SKIC8: variants seen among roughly 807,000 people sequenced by gnomAD.
The protein encoded by SKIC8 is superkiller complex protein 8.
the SKIC8 span, among the ~76,000 whole-genome samples, chr15:78,288,134 TG>T: frequency 6.6e-6 from 1 of 152,120 alleles, no homozygotes; most frequent in Non-Finnish European, 1.5e-5. Context: ...ACACTAAAAA[TG>T]GGCGCTGAAC....
chr15:78,292,834 T>G, the SKIC8 span: 1 of 1,602,134 alleles, frequency 6.2e-7, no homozygotes, highest in African/African-American at 1.3e-5. Flanking sequence ...AAGAACACAC[T>G]TTACCTGGCA....
chr15:78,299,098 A>G, the SKIC8 span, among the ~76,000 whole-genome samples: 1 of 152,122 alleles, frequency 6.6e-6, no homozygotes, highest in African/African-American at 2.4e-5. Flanking sequence ...CTATGAAACT[A>G]CTCAGGCAAG....
At chr15:78,286,615 TA>T in the SKIC8 span, 1 of 153,688 alleles carries the variant, frequency 6.5e-6, no homozygotes, top group South Asian at 2.0e-4. Context: ...GAGACCAGTT[TA>T]AACCTAATCA....
the SKIC8 span, chr15:78,290,170 T>C: frequency 2.7e-6 from 4 of 1,468,886 alleles, no homozygotes; most frequent in African/African-American, 1.4e-5. Flanking sequence ...ACTAAAGTTT[T>C]ACCAAAGGAT....
chr15:78,295,821 T>C, the SKIC8 span: 2 of 1,039,706 alleles, frequency 1.9e-6, no homozygotes, highest in Non-Finnish European at 2.8e-6. Context: ...GGCAACTCTT[T>C]ATTATGAAGT....
chr15:78,293,551 A>T, the SKIC8 span, among the ~76,000 whole-genome samples: 1 of 152,194 alleles, frequency 6.6e-6, no homozygotes, highest in Non-Finnish European at 1.5e-5. Context: ...TCTGGTATAT[A>T]GGAGTCTACA....
chr15:78,293,266 T>C, the SKIC8 span: 1 of 1,614,152 alleles, frequency 6.2e-7, no homozygotes, highest in Non-Finnish European at 8.5e-7. Flanking sequence ...AATGGCATCA[T>C]CATGGGCTAG....
the SKIC8 span, chr15:78,286,123 T>G: frequency 1.9e-6 from 3 of 1,611,414 alleles, no homozygotes; most frequent in Non-Finnish European, 2.5e-6. Context: ...CCAGCCAAAT[T>G]GGCATGTTGT....
chr15:78,285,996 C>G, the SKIC8 span: 6 of 1,538,730 alleles, frequency 3.9e-6, no homozygotes, highest in Non-Finnish European at 4.5e-6. Context: ...GAAGACTGCT[C>G]TCATCTCCCC....
At chr15:78,295,356 C>G in the SKIC8 span, 1 of 577,840 alleles carries the variant, frequency 1.7e-6, no homozygotes, top group Non-Finnish European at 3.1e-6. Flanking sequence ...TGTCCCTAAT[C>G]TTATTACAAA....
the SKIC8 span, chr15:78,293,036 T>A: frequency 1.2e-6 from 1 of 866,212 alleles, no homozygotes; most frequent in African/African-American, 1.7e-5. Context: ...TAAGCTGCTG[T>A]TTTATACCAC....
the SKIC8 span, chr15:78,285,103 G>A: frequency 1.5e-6 from 1 of 660,578 alleles, no homozygotes; most frequent in South Asian, 1.9e-5. Flanking sequence ...CTCTGCACAG[G>A]AACTCTGGCT....
the SKIC8 span, chr15:78,286,186 T>C: frequency 2.7e-6 from 4 of 1,481,238 alleles, no homozygotes; most frequent in African/African-American, 5.6e-5. Flanking sequence ...TACAGTATAA[T>C]CACTGAAGTG....
the SKIC8 span, among the ~76,000 whole-genome samples, chr15:78,294,023 T>C: frequency 0.011 from 1,722 of 152,344 alleles, 40 homozygotes; most frequent in African/African-American, 0.039. Flanking sequence ...TCTCCAGCGA[T>C]ACCTTCCCAA....
the SKIC8 span, chr15:78,289,045 TAATA>T: frequency 2.8e-6 from 1 of 356,862 alleles, no homozygotes; most frequent in Non-Finnish European, 5.4e-6. Context: ...GATTACGATA[TAATA>T]AATAAAAAGT....
the SKIC8 span, among the ~76,000 whole-genome samples, chr15:78,297,344 C>T: frequency 6.6e-6 from 1 of 152,194 alleles, no homozygotes; most frequent in Non-Finnish European, 1.5e-5. Context: ...GAAAAAATGT[C>T]ATGTCTTCCA....
At chr15:78,298,752 A>G in the SKIC8 span, among the ~76,000 whole-genome samples, 1 of 152,180 alleles carries the variant, frequency 6.6e-6, no homozygotes, top group African/African-American at 2.4e-5. Context: ...GTCCTTCACT[A>G]TCCAAGATTT....
At chr15:78,295,313 G>A in the SKIC8 span, 1 of 552,258 alleles carries the variant, frequency 1.8e-6, no homozygotes. Flanking sequence ...GCTGCAATAA[G>A]AACACACAGC....
the SKIC8 span, chr15:78,295,251 T>C: frequency 1.8e-6 from 1 of 559,774 alleles, no homozygotes; most frequent in Non-Finnish European, 3.2e-6. Context: ...TTTCTTTTTC[T>C]GTTCTGATCA....
Sources: gnomAD v4.1 joint callset for allele counts (sites outside exome capture counted in the v4.1 genomes callset) on GRCh38, gnomAD v4.1.1 for gene constraint, MANE v1.5 for transcripts, NCBI Gene and HGNC (gene_info 2026-07-23, HGNC 2026-07-21) for gene names.